Variants in CLDN18 observed in about 807,000 individuals in gnomAD.
The protein encoded by CLDN18 is claudin 18.
Under a neutral mutation model 25.0 loss-of-function variants are expected in CLDN18, and 20 were observed. The ratio of observed to expected loss-of-function variants is 0.80; its 90% CI spans 0.56 to 1.16. The LOEUF (loss-of-function observed/expected upper bound fraction) is 1.16, where lower values mean the gene tolerates loss of function less well. Among genes scored for constraint, CLDN18 ranks in the 50% most tolerant of loss-of-function variants. The pLI is 0.00. For synonymous variants in CLDN18, 125 were observed against 135.6 expected (o/e 0.92, Z 0.54); for missense variants, 297 against 345.4 (o/e 0.86, Z 1.11).
chr3:138,009,925 G>T (rs1355190541), upstream of CLDN18: 13 of 370,930 alleles, frequency 3.5e-5, no homozygotes, highest in African/African-American at 2.4e-4. Context: ...GCTGGAGGGA[G>T]GCCGGTCTGG....
At chr3:138,001,292 C>G (rs528042108) in intron 1 of CLDN18, among the ~76,000 whole-genome samples, 2 of 152,178 alleles carry the variant, frequency 1.3e-5, no homozygotes, top group African/African-American at 4.8e-5. Context: ...GTCCTCATCT[C>G]TTGCCTAAGT....
At chr3:138,003,055 A>G (rs1421543934) in intron 1 of CLDN18, among the ~76,000 whole-genome samples, 1 of 152,208 alleles carries the variant, frequency 6.6e-6, no homozygotes, top group African/African-American at 2.4e-5. Flanking sequence ...ACAGACATAC[A>G]GTAAACAGTC....
At chr3:138,003,962 AG>A (rs1170456986) in intron 1 of CLDN18, among the ~76,000 whole-genome samples, 1 of 152,194 alleles carries the variant, frequency 6.6e-6, no homozygotes, top group Non-Finnish European at 1.5e-5. Flanking sequence ...ATTTGAAGTC[AG>A]GAGTTCGAGA....
intron 1 of CLDN18, among the ~76,000 whole-genome samples, chr3:138,013,197 T>G (rs1436417631): frequency 6.6e-6 from 1 of 152,192 alleles, no homozygotes; most frequent in Non-Finnish European, 1.5e-5. Context: ...TTTTGTACTA[T>G]AAATTTTTTG....
At chr3:138,020,028 T>G (rs184551117) in intron 1 of CLDN18, among the ~76,000 whole-genome samples, 1 of 152,216 alleles carries the variant, frequency 6.6e-6, no homozygotes, top group Non-Finnish European at 1.5e-5. Flanking sequence ...AGAGACAGAA[T>G]GGCTAAAAGA....
upstream of CLDN18, among the ~76,000 whole-genome samples, chr3:138,007,371 G>C (rs1433767947): frequency 5.9e-5 from 9 of 152,166 alleles, no homozygotes; most frequent in Admixed American, 5.9e-4. Context: ...CCATAAAAAG[G>C]AATGAGATCA....
intron 1 of CLDN18, 53 bp from the exon 2 acceptor site, chr3:138,023,605 G>A (rs1247218337): frequency 5.1e-6 from 8 of 1,571,508 alleles, no homozygotes; most frequent in Admixed American, 1.7e-5. Flanking sequence ...GCCTAATCAA[G>A]TGTGCTGAGT....
intron 1 of CLDN18, among the ~76,000 whole-genome samples, chr3:137,999,930 T>G (rs988632255): frequency 1.3e-5 from 2 of 152,222 alleles, no homozygotes; most frequent in East Asian, 3.8e-4. Context: ...GTCGTTTTTA[T>G]TTTTGCTTGT....
upstream of CLDN18, among the ~76,000 whole-genome samples, chr3:138,007,799 C>T (rs186462934): frequency 1.3e-5 from 2 of 152,334 alleles, no homozygotes; most frequent in Non-Finnish European, 2.9e-5. Flanking sequence ...ATTCCAACAA[C>T]AGTTTTCAAC....
chr3:138,008,790 G>A (rs1464621135), upstream of CLDN18, among the ~76,000 whole-genome samples: 1 of 151,978 alleles, frequency 6.6e-6, no homozygotes, highest in Non-Finnish European at 1.5e-5. Flanking sequence ...GCCGGGTGTG[G>A]TGGTATGCAT....
Position 138,031,213 on chromosome 3 carries a change from C to A in CLDN18, c.*72C>A. 1 of 1,361,282 alleles carries A rather than the reference C, an allele frequency of 7.3e-7. No individual in the cohort carries two copies. The highest frequency in any genetic ancestry group is 1.0e-6 in the Non-Finnish European group (1 of 1,003,746). 84.3% of individuals were successfully genotyped at this position (1,361,282 alleles called of 1,614,324 possible). ...CACCCAAAAAACAAGGAGATCCCAT[C>A]TAGATTTCTTCTTGCTTTTGACTCA... On this transcript the variant is annotated 3_prime_UTR_variant, in exon 5 of 5. Transcript: ENST00000183605.
rs58692546 is a variant in CLDN18 at position 138,020,644 on chromosome 3, T to C, written c.221-3014T>C. On this transcript the variant is annotated intron_variant, in intron 1 of 4. Coordinates refer to ENST00000183605, the MANE Select transcript of CLDN18 (RefSeq NM_016369.4). ...GAGAGGGAAATCTTCCCAAGGTGACTGGAGAGAGTTCTCTCCCAGGACTGC... is the reference window on the plus strand; with the variant it reads ...GAGAGGGAAATCTTCCCAAGGTGACCGGAGAGAGTTCTCTCCCAGGACTGC... Among the ~76,000 whole-genome samples the C allele has an allele frequency of 5.0e-3, 757 of 152,368 alleles. 5 individuals carry two copies. The highest frequency in any genetic ancestry group is 0.017 in the African/African-American group (727 of 41,590).
intron 1 of CLDN18, among the ~76,000 whole-genome samples, chr3:138,003,598 A>T (rs984370192): frequency 1.3e-5 from 2 of 152,202 alleles, no homozygotes; most frequent in African/African-American, 4.8e-5. Flanking sequence ...TATTTGGCAA[A>T]ATCAAAATGA....
At position 138,032,005 on chromosome 3, in the gene CLDN18, A is replaced by G. The variant is rs1235577188; in HGVS notation, c.*864A>G. Reference sequence around the variant, plus strand: ...AAATAATTGCTTTGACATTGTCTATATGGTACTTTGTAAAGTCATGCTTAA... The same window carrying G: ...AAATAATTGCTTTGACATTGTCTATGTGGTACTTTGTAAAGTCATGCTTAA... On this transcript the variant is annotated 3_prime_UTR_variant, in exon 5 of 5. Coordinates refer to ENST00000183605, the MANE Select transcript of CLDN18 (RefSeq NM_016369.4). 1 of 152,250 alleles carries G rather than the reference A, an allele frequency of 6.6e-6. No individual in the cohort carries two copies. The highest frequency in any genetic ancestry group is 2.4e-5 in the African/African-American group (1 of 41,470). The allele number at this position is 152,250 out of a possible 1,614,324, so 9.4% of individuals were successfully genotyped here.
intron 1 of CLDN18, among the ~76,000 whole-genome samples, chr3:138,001,008 A>G (rs1433386507): frequency 6.6e-6 from 1 of 152,262 alleles, no homozygotes; most frequent in Non-Finnish European, 1.5e-5. Flanking sequence ...ACAATGACAA[A>G]TCATGCACTA....
At chr3:138,002,804 C>A (rs751281631) in intron 1 of CLDN18, among the ~76,000 whole-genome samples, 9 of 152,238 alleles carry the variant, frequency 5.9e-5, no homozygotes, top group Non-Finnish European at 1.0e-4. Flanking sequence ...CAGTAGTCAA[C>A]CTTTTCTGGG....
rs551620065 is a variant in CLDN18 at position 138,018,429 on chromosome 3, C to T, written c.221-5229C>T. ...TCGGCTCACTGCAAGCTCCGCCTCC[C>T]GGGTTCACGCCATTCTCCTGCCTCA... On this transcript the variant is annotated intron_variant, in intron 1 of 4. Transcript: ENST00000183605. Among the ~76,000 whole-genome samples, 14 of 150,538 alleles carry T rather than the reference C, an allele frequency of 9.3e-5. No individual in the cohort carries two copies. The South Asian group carries it at 2.7e-3, about 30-fold the overall frequency.
chr3:138,024,211 G>GA (rs948523157), intron 2 of CLDN18, among the ~76,000 whole-genome samples: 3 of 151,074 alleles, frequency 2.0e-5, no homozygotes, highest in South Asian at 2.1e-4. Flanking sequence ...AACTTAAGCT[G>GA]AAAAAAAAGA....
At position 138,031,279 on chromosome 3, in the gene CLDN18, G is replaced by T. The variant is rs1490385244; in HGVS notation, c.*138G>T. 2 of 678,398 alleles carry T rather than the reference G, an allele frequency of 2.9e-6. No individual in the cohort carries two copies. Among genetic ancestry groups the T allele is most frequent in the Non-Finnish European group, 4.7e-6 (2 of 424,312 alleles). 42.0% of individuals were successfully genotyped at this position (678,398 alleles called of 1,614,324 possible). A position where few individuals can be genotyped will look rare whatever the true frequency, so the allele number is the denominator to read the frequency against. ...AAAGCCTCGATTTCATCTTTGGAGAGGCCAAATGGTCTTAGCCTCAGTCTC... is the reference window on the plus strand; with the variant it reads ...AAAGCCTCGATTTCATCTTTGGAGATGCCAAATGGTCTTAGCCTCAGTCTC... On this transcript the variant is annotated 3_prime_UTR_variant, in exon 5 of 5. Transcript: ENST00000183605.
Sources: gnomAD v4.1 joint callset for allele counts (sites outside exome capture counted in the v4.1 genomes callset) on GRCh38, gnomAD v4.1.1 for gene constraint, MANE v1.5 for transcripts, NCBI Gene and HGNC (gene_info 2026-07-23, HGNC 2026-07-21) for gene names.